The following ABCB5 variants were observed in gnomAD, a reference collection of about 807,000 sequenced individuals.
The protein encoded by ABCB5 is ATP-binding cassette sub-family B member 5.
In ABCB5, 155 loss-of-function variants were observed where a neutral mutation model predicts 144.2. The ratio of observed to expected loss-of-function variants is 1.08; its 90% CI spans 0.94 to 1.23. ABCB5 has a LOEUF of 1.23. ABCB5 is among the 50% of genes most tolerant of loss of function. ABCB5 has a pLI of 0.00. For missense variants in ABCB5, 1,830 were observed against 1,520.8 expected, an observed-to-expected ratio of 1.20 and a Z score of -3.38; for synonymous variants, 610 against 528.6, an observed-to-expected ratio of 1.15 and a Z score of -2.11.
At chr7:20,734,903 G>A (rs1782335942) in intron 23 of ABCB5, among the ~76,000 whole-genome samples, 2 of 152,186 alleles carry the variant, frequency 1.3e-5, no homozygotes, top group African/African-American at 4.8e-5. Flanking sequence ...CTATAAATGT[G>A]TAGATTTAGA....
At chr7:20,692,476 A>G (rs1330334725) in intron 16 of ABCB5, among the ~76,000 whole-genome samples, 1 of 151,524 alleles carries the variant, frequency 6.6e-6, no homozygotes, top group African/African-American at 2.4e-5. Context: ...CCTACACTAC[A>G]AGAAATATTA....
intron 1 of ABCB5, among the ~76,000 whole-genome samples, chr7:20,618,391 C>T (rs1036375873): frequency 8.5e-5 from 13 of 152,138 alleles, no homozygotes; most frequent in Non-Finnish European, 1.8e-4. Flanking sequence ...ATATGGCTAT[C>T]TTCACCTTTT....
intron 1 of ABCB5, among the ~76,000 whole-genome samples, chr7:20,620,000 T>C (rs1562524548): frequency 6.6e-6 from 1 of 152,194 alleles, no homozygotes; most frequent in Non-Finnish European, 1.5e-5. Flanking sequence ...GCTTTATTTC[T>C]GGGTCCTGAA....
At chr7:20,728,119 T>G (rs1782094693) in intron 22 of ABCB5, among the ~76,000 whole-genome samples, 196 bp from the exon 23 acceptor site, 1 of 151,988 alleles carries the variant, frequency 6.6e-6, no homozygotes, top group African/African-American at 2.4e-5. Flanking sequence ...GGAAAAGAAT[T>G]ATAACATTAT....
intron 5 of ABCB5, among the ~76,000 whole-genome samples, chr7:20,639,641 A>C (rs1330676629): frequency 6.6e-6 from 1 of 152,224 alleles, no homozygotes; most frequent in African/African-American, 2.4e-5. Context: ...CCTTTGCTAA[A>C]AATCAACTGC....
chr7:20,733,333 G>A (rs1782282207), intron 23 of ABCB5, among the ~76,000 whole-genome samples: 1 of 152,074 alleles, frequency 6.6e-6, no homozygotes, highest in African/African-American at 2.4e-5. Flanking sequence ...AATGGAACAG[G>A]TGACCTGCTT....
At chr7:20,724,628 C>CAAAAAA (rs34395637) in intron 21 of ABCB5, among the ~76,000 whole-genome samples, 1 of 88,592 alleles carries the variant, frequency 1.1e-5, no homozygotes, top group Non-Finnish European at 2.1e-5. Context: ...AGCTCTGTCT[C>CAAAAAA]AAAAAAAAAA....
Position 20,728,366 on chromosome 7 carries a change from T to C in ABCB5, c.2778T>C (p.His926=), listed in dbSNP as rs555744609. 1.1e-5 allele frequency: 17 copies of C among 1,614,202 alleles called. No individual in the cohort carries two copies. In the South Asian group the frequency reaches 1.6e-4, roughly 16 times the overall value. ...TTGGAAGCTGTTATGCATTCAGCCA[T>C]GCCTTTATATATTTTGCCTATGCGG... ...QIIGSCYAFS[H]AFIYFAYAAG... The change falls in exon 23 of 28, where the codon CAT becomes CAC. Residue 926 remains histidine, a synonymous_variant. Coordinates refer to ENST00000404938, the MANE Select transcript of ABCB5 (RefSeq NM_001163941.2).
chr7:20,618,047 T>C (rs1487821820), intron 1 of ABCB5, among the ~76,000 whole-genome samples: 1 of 152,244 alleles, frequency 6.6e-6, no homozygotes, highest in Non-Finnish European at 1.5e-5. Context: ...AACAGCTTTA[T>C]TGAGATATAA....
At chr7:20,721,305 T>C (rs1398262000) in intron 20 of ABCB5, among the ~76,000 whole-genome samples, 1 of 152,216 alleles carries the variant, frequency 6.6e-6, no homozygotes, top group Admixed American at 6.5e-5. Flanking sequence ...CAGGTTATTT[T>C]GTCTGACTAC....
At chr7:20,642,291 AC>A (rs1315903060) in intron 5 of ABCB5, among the ~76,000 whole-genome samples, 2 of 152,124 alleles carry the variant, frequency 1.3e-5, no homozygotes, top group African/African-American at 2.4e-5. Context: ...GTGCTAAACA[AC>A]TTTTTTCTGA....
intron 20 of ABCB5, among the ~76,000 whole-genome samples, chr7:20,711,761 C>G (rs1246723081): frequency 9.4e-6 from 1 of 106,694 alleles, no homozygotes; most frequent in East Asian, 4.0e-4. Flanking sequence ...GCCCAGCCTG[C>G]CTGCCTTTCC....
At position 20,745,342 on chromosome 7, in the gene ABCB5, C is replaced by A. The variant is rs779852805; in HGVS notation, c.3333C>A (p.Ile1111=). The change falls in exon 26 of 28, where the codon ATC becomes ATA. Residue 1111 remains isoleucine (I), a synonymous_variant. Coordinates refer to ENST00000404938, the MANE Select transcript of ABCB5 (RefSeq NM_001163941.2). Reference sequence around the variant, plus strand: ...TCAACTGCAGCATTGCTGAGAACATCGCCTATGGTGACAACAGCCGTGTGG... The same window carrying A: ...TCAACTGCAGCATTGCTGAGAACATAGCCTATGGTGACAACAGCCGTGTGG... ...VLFNCSIAEN[I]AYGDNSRVVP... 2 of 1,614,090 alleles carry A rather than the reference C, an allele frequency of 1.2e-6. No individual in the cohort carries two copies. The highest frequency in any genetic ancestry group is 3.3e-5 in the Admixed American group (2 of 60,014).
At position 20,755,455 on chromosome 7, in the gene ABCB5, G is replaced by A. The variant is rs1300834217; in HGVS notation, c.3605G>A (p.Arg1202Lys). 1.2e-6 allele frequency: 2 copies of A among 1,614,204 alleles called. No homozygotes were observed. Among genetic ancestry groups the A allele is most frequent in the South Asian group, 1.1e-5 (1 of 91,080 alleles). Reference sequence around the variant, plus strand: ...GTTCAGCATGCCCTTGATAAAGCCAGGACGGGAAGGACATGCCTAGTGGTC... The same window carrying A: ...GTTCAGCATGCCCTTGATAAAGCCAAGACGGGAAGGACATGCCTAGTGGTC... ...KVVQHALDKARTGRTCLVVTH... is the reference protein window; with the variant it reads ...KVVQHALDKAKTGRTCLVVTH... Residue 1202 changes from arginine (R) to lysine (K), a missense_variant, in exon 28 of 28, where the codon AGG becomes AAG. Physicochemically the swap from Arg to Lys is conservative, Grantham distance 26. Transcript: ENST00000404938.
At chr7:20,629,395 G>A (rs1783982995) in intron 4 of ABCB5, among the ~76,000 whole-genome samples, 1 of 152,164 alleles carries the variant, frequency 6.6e-6, no homozygotes. Flanking sequence ...TTTATCAGAA[G>A]TGGTGATTAC....
chr7:20,721,248 G>A (rs1182262743), intron 20 of ABCB5, among the ~76,000 whole-genome samples: 4 of 152,146 alleles, frequency 2.6e-5, no homozygotes, highest in Admixed American at 6.5e-5. Context: ...AGTGATTCAG[G>A]GAACAAAGAG....
chr7:20,672,099 C>T (rs1317207157), intron 14 of ABCB5, among the ~76,000 whole-genome samples: 1 of 152,096 alleles, frequency 6.6e-6, no homozygotes, highest in Non-Finnish European at 1.5e-5. Flanking sequence ...TAACCATCCA[C>T]ATTTTTTTCT....
intron 16 of ABCB5, among the ~76,000 whole-genome samples, chr7:20,691,097 A>G (rs1399455995): frequency 6.7e-6 from 1 of 150,348 alleles, no homozygotes; most frequent in African/African-American, 2.4e-5. Context: ...CTTGTCATTG[A>G]CCCAGTTTAA....
At chr7:20,647,323 T>A in intron 9 of ABCB5, 1 of 1,310,206 alleles carries the variant, frequency 7.6e-7, no homozygotes, top group Non-Finnish European at 9.7e-7. Flanking sequence ...CCAAGGATAC[T>A]TGGATTAATC....
Sources: gnomAD v4.1 joint callset for allele counts (sites outside exome capture counted in the v4.1 genomes callset) on GRCh38, gnomAD v4.1.1 for gene constraint, MANE v1.5 for transcripts, NCBI Gene and HGNC (gene_info 2026-07-23, HGNC 2026-07-21) for gene names.